The following PIGL variants were observed in gnomAD, a reference collection of about 807,000 sequenced individuals.
The protein encoded by PIGL is phosphatidylinositol glycan anchor biosynthesis class L.
In PIGL, 22 loss-of-function variants were observed where a neutral mutation model predicts 31.1. The observed-to-expected ratio is 0.71, with a 90% confidence interval of 0.51 to 1.01. The LOEUF (loss-of-function observed/expected upper bound fraction) is 1.01. Among genes scored for constraint, PIGL ranks in the 50% least tolerant of loss-of-function variants. The pLI is 0.00. For missense variants in PIGL, 302 were observed against 315.9 expected (o/e 0.96, Z 0.33); for synonymous variants, 131 against 117.4 (o/e 1.12, Z -0.75).
chr17:16,314,031 A>G (rs1414673070), intron 4 of PIGL, among the ~76,000 whole-genome samples: 1 of 152,176 alleles, frequency 6.6e-6, no homozygotes, highest in Non-Finnish European at 1.5e-5. Context: ...CACTTCCGTC[A>G]TGTGTTTTAT....
At chr17:16,245,597 G>C in intron 2 of PIGL, among the ~76,000 whole-genome samples, 1 of 149,332 alleles carries the variant, frequency 6.7e-6, no homozygotes, top group African/African-American at 2.5e-5. Context: ...TAGAGACGGG[G>C]TTTCACCATG....
At chr17:16,236,214 C>T (rs2092699245) in intron 2 of PIGL, among the ~76,000 whole-genome samples, 1 of 152,148 alleles carries the variant, frequency 6.6e-6, no homozygotes, top group African/African-American at 2.4e-5. Flanking sequence ...CACCTACAGT[C>T]GTGATCTATT....
intron 2 of PIGL, among the ~76,000 whole-genome samples, chr17:16,288,531 C>T (rs79355323): frequency 7.3e-6 from 1 of 137,166 alleles, no homozygotes; most frequent in East Asian, 2.0e-4. Context: ...TTTTTCTTTT[C>T]TTTTTTTTCT....
At chr17:16,227,578 C>CTTTTTTT (rs57452229) in intron 1 of PIGL, among the ~76,000 whole-genome samples, 91 of 103,140 alleles carry the variant, frequency 8.8e-4, no homozygotes, top group African/African-American at 1.1e-3. Context: ...ATTTTCTTTT[C>CTTTTTTT]TTTTTTTTTT....
intron 3 of PIGL, among the ~76,000 whole-genome samples, chr17:16,306,420 A>G (rs1026019002): frequency 6.6e-6 from 1 of 152,016 alleles, no homozygotes; most frequent in Non-Finnish European, 1.5e-5. Context: ...AACTAGAGTT[A>G]GAGATAAAAG....
chr17:16,318,134 A>T (rs932458027), intron 6 of PIGL, among the ~76,000 whole-genome samples: 4 of 152,222 alleles, frequency 2.6e-5, no homozygotes, highest in Non-Finnish European at 5.9e-5. Flanking sequence ...CTTTTTCTAA[A>T]AGTAAATAAC....
At chr17:16,237,042 A>G (rs1365073301) in intron 2 of PIGL, among the ~76,000 whole-genome samples, 1 of 150,864 alleles carries the variant, frequency 6.6e-6, no homozygotes, top group African/African-American at 2.4e-5. Context: ...GGTTCAGGCA[A>G]TCCTCCTGTG....
intron 2 of PIGL, among the ~76,000 whole-genome samples, chr17:16,242,145 C>G (rs2092725787): frequency 6.6e-6 from 1 of 152,076 alleles, no homozygotes; most frequent in Non-Finnish European, 1.5e-5. Context: ...ACTCTAACTT[C>G]TGGGCTCAAG....
chr17:16,233,931 A>C (rs756236482), intron 1 of PIGL, 40 bp from the exon 2 acceptor site: 1 of 333,950 alleles, frequency 3.0e-6, no homozygotes, highest in Non-Finnish European at 4.6e-6. Flanking sequence ...CTCCACTGTT[A>C]AAAAAAAAAA....
At chr17:16,230,535 T>C (rs997888273) in intron 1 of PIGL, among the ~76,000 whole-genome samples, 7 of 152,248 alleles carry the variant, frequency 4.6e-5, no homozygotes, top group African/African-American at 1.4e-4. Flanking sequence ...TTAGAATTAC[T>C]TGGTCATGTT....
intron 3 of PIGL, among the ~76,000 whole-genome samples, chr17:16,303,551 T>TC (rs1221190227): frequency 6.6e-6 from 1 of 152,118 alleles, no homozygotes; most frequent in Non-Finnish European, 1.5e-5. Context: ...CTTTTTTTTT[T>TC]TTCCTGAAAT....
chr17:16,254,248 A>C (rs912599156), intron 2 of PIGL, among the ~76,000 whole-genome samples: 20 of 152,036 alleles, frequency 1.3e-4, no homozygotes, highest in Non-Finnish European at 2.9e-5. Flanking sequence ...ATTCTAGCAT[A>C]TACACCAATT....
chr17:16,252,125 G>A (rs2092775382), intron 2 of PIGL, among the ~76,000 whole-genome samples: 1 of 148,272 alleles, frequency 6.7e-6, no homozygotes. Context: ...CCAGGCTGGA[G>A]TGCAGTGGTG....
intron 4 of PIGL, among the ~76,000 whole-genome samples, chr17:16,315,431 T>C (rs2093071104): frequency 6.6e-6 from 1 of 152,144 alleles, no homozygotes; most frequent in South Asian, 2.1e-4. Context: ...CTCTGGCCTT[T>C]CTGGCTACTT....
At chr17:16,240,598 G>A (rs1400388255) in intron 2 of PIGL, among the ~76,000 whole-genome samples, 1 of 151,818 alleles carries the variant, frequency 6.6e-6, no homozygotes, top group Admixed American at 6.6e-5. Flanking sequence ...ACTCCCGGGT[G>A]CAAGGGATCC....
intron 2 of PIGL, among the ~76,000 whole-genome samples, chr17:16,263,115 T>C (rs1040089985): frequency 6.6e-6 from 1 of 151,362 alleles, no homozygotes; most frequent in East Asian, 1.9e-4. Flanking sequence ...ATGAAAATGT[T>C]CTAGATTTGA....
intron 3 of PIGL, among the ~76,000 whole-genome samples, chr17:16,309,101 T>G (rs1037803289): frequency 1.3e-5 from 2 of 152,146 alleles, no homozygotes; most frequent in Non-Finnish European, 2.9e-5. Flanking sequence ...AAACATTTAT[T>G]TTTTGAGGTT....
intron 6 of PIGL, 75 bp from the exon 7 acceptor site, chr17:16,325,725 C>T (rs887990804): frequency 4.7e-6 from 5 of 1,061,290 alleles, no homozygotes; most frequent in Admixed American, 1.7e-5. Flanking sequence ...ATTTAAGGTG[C>T]GGAGGCCAGA....
chr17:16,313,734 T>A, intron 4 of PIGL, 120 bp downstream of exon 4: 1 of 807,960 alleles, frequency 1.2e-6, no homozygotes, highest in Non-Finnish European at 2.2e-6. Flanking sequence ...ACTGCTGGCT[T>A]ATCTTCTAGC....
Sources: allele counts gnomAD v4.1 joint callset (sites outside exome capture counted in the v4.1 genomes callset), GRCh38; gene constraint gnomAD v4.1.1; transcripts MANE v1.5; gene names NCBI Gene and HGNC (gene_info 2026-07-23, HGNC 2026-07-21).